The following KIAA0586 variants were observed in gnomAD, a reference collection of about 807,000 sequenced individuals.
KIAA0586 encodes the protein protein TALPID3.
In KIAA0586, 144 loss-of-function variants were observed where a neutral mutation model predicts 169.8. The ratio of observed to expected loss-of-function variants is 0.85; its 90% CI spans 0.74 to 0.97. The LOEUF (loss-of-function observed/expected upper bound fraction) is 0.97, where lower values mean the gene tolerates loss of function less well. Ranked by LOEUF, KIAA0586 falls within the 50% of genes least tolerant of loss-of-function variation. The pLI is 0.00. For synonymous variants in KIAA0586, 625 were observed against 612.4 expected (o/e 1.02, Z -0.30); for missense variants, 1,854 against 1,823.0 (o/e 1.02, Z -0.31).
At chr14:58,558,674 A>G in the KIAA0586 span, among the ~76,000 whole-genome samples, 1 of 152,246 alleles carries the variant, frequency 6.6e-6, no homozygotes, top group East Asian at 1.9e-4. Flanking sequence ...ACATTGACTC[A>G]TGGAGGGAAT....
chr14:58,489,498 G>A (rs2042698465), intron 24 of KIAA0586, among the ~76,000 whole-genome samples: 1 of 152,000 alleles, frequency 6.6e-6, no homozygotes, highest in Admixed American at 6.6e-5. Context: ...GGGATTATAG[G>A]CCTGAACCAC....
chr14:58,442,148 C>T (rs1424436541), intron 4 of KIAA0586, among the ~76,000 whole-genome samples: 1 of 152,008 alleles, frequency 6.6e-6, no homozygotes, highest in Non-Finnish European at 1.5e-5. Context: ...CTCACTGTGT[C>T]ACCCAGGCTG....
At chr14:58,561,391 G>A in the KIAA0586 span, among the ~76,000 whole-genome samples, 1 of 152,036 alleles carries the variant, frequency 6.6e-6, no homozygotes, top group Non-Finnish European at 1.5e-5. Flanking sequence ...TACACAGAAG[G>A]GTTTTTTTGA....
At chr14:58,437,131 A>G (rs927532074) in intron 4 of KIAA0586, among the ~76,000 whole-genome samples, 2 of 152,170 alleles carry the variant, frequency 1.3e-5, no homozygotes, top group African/African-American at 2.4e-5. Flanking sequence ...TCCTGAATAC[A>G]CTGGGCAGTG....
chr14:58,554,031 G>C (rs2047231175), downstream of KIAA0586, among the ~76,000 whole-genome samples: 1 of 152,094 alleles, frequency 6.6e-6, no homozygotes, highest in Non-Finnish European at 1.5e-5. Context: ...GCTGTTGGCA[G>C]GGAAATGGAG....
chr14:58,444,325 G>T (rs562340018), intron 6 of KIAA0586, 150 bp downstream of exon 6: 3 of 634,200 alleles, frequency 4.7e-6, no homozygotes, highest in Non-Finnish European at 8.4e-6. Context: ...CCTGTAATGC[G>T]GGTAACTCTG....
At position 58,442,759 on chromosome 14, in the gene KIAA0586, CA is replaced by C; in HGVS notation, c.465del (p.Gly156AlafsTer2). On this transcript the variant is annotated frameshift_variant, in exon 5 of 31. Coordinates refer to ENST00000652326, the MANE Select transcript of KIAA0586 (RefSeq NM_001329943.3). LOFTEE classifies it high-confidence loss of function. Reference sequence around the variant, plus strand: ...GTAAAGGTACATCTGTTAGAAGATGCAGGCATAGAGAAGGATGCTGTTACTC... The same window carrying C: ...GTAAAGGTACATCTGTTAGAAGATGCGGCATAGAGAAGGATGCTGTTACTC... The part of the protein sequence containing the change: ...KEVKVHLLED[A>X]GIEKDAVTQE... 6.3e-7 allele frequency: 1 copy of C among 1,595,280 alleles called. No individual in the cohort carries two copies. Among genetic ancestry groups the C allele is most frequent in the Non-Finnish European group, 8.6e-7 (1 of 1,169,522 alleles).
chr14:58,496,823 T>C (rs988407890), intron 26 of KIAA0586, among the ~76,000 whole-genome samples: 2 of 152,176 alleles, frequency 1.3e-5, no homozygotes, highest in African/African-American at 4.8e-5. Context: ...GGAATTTTGC[T>C]TCAGTTCTTA....
chr14:58,552,237 A>G (rs2047216949), downstream of KIAA0586, among the ~76,000 whole-genome samples: 1 of 152,140 alleles, frequency 6.6e-6, no homozygotes, highest in African/African-American at 2.4e-5. Context: ...TGTTCAGGGA[A>G]TTTCATGAAG....
rs1363200511 is a variant in KIAA0586, at chr14:58,474,736, G to C, written c.2764G>C (p.Ala922Pro). 3.1e-6 allele frequency: 5 copies of C among 1,612,904 alleles called. No homozygotes were observed. Among genetic ancestry groups the C allele is most frequent in the Non-Finnish European group, 4.2e-6 (5 of 1,179,532 alleles). The stretch of plus-strand genomic sequence containing the variant: ...AGTTGCTTCTACTTTTCAGCCCACT[G>C]CTGATATTCTGGATAAAGTAATTGA... ...PPVASTFQPTADILDKVIERK... is the reference protein window; with the variant it reads ...PPVASTFQPTPDILDKVIERK... The change falls in exon 19 of 31, where the codon GCT (alanine) becomes CCT (proline). Residue 922 changes from alanine (A) to proline (P), a missense_variant. Transcript: ENST00000652326.
intron 22 of KIAA0586, 132 bp downstream of exon 22, chr14:58,487,298 C>T (rs1022684932): frequency 5.1e-5 from 41 of 804,280 alleles, no homozygotes; most frequent in South Asian, 2.6e-4. Context: ...GAATTGATTG[C>T]GACTTCTTAA....
chr14:58,496,624 A>G (rs1425321081), intron 26 of KIAA0586, among the ~76,000 whole-genome samples: 1 of 152,232 alleles, frequency 6.6e-6, no homozygotes, highest in Non-Finnish European at 1.5e-5. Flanking sequence ...AGATGTACAT[A>G]GGAGAATGAA....
At position 58,533,353 on chromosome 14, in the gene KIAA0586, T is replaced by C. The variant is rs550853179; in HGVS notation, c.4430-6718T>C. On this transcript the variant is annotated intron_variant, in intron 29 of 30. Transcript: ENST00000652326. The stretch of plus-strand genomic sequence containing the variant: ...ACAAAAGAAATGAAATATTTATCTT[T>C]GGCAAAAAGACCTGTACACCAAACT... 1.6e-4 allele frequency among the ~76,000 whole-genome samples: 24 copies of C among 152,372 alleles called. No individual in the cohort carries two copies. The East Asian group carries it at 4.4e-3, about 28-fold the overall frequency.
rs2042950059 is a variant in KIAA0586 at position 58,493,421 on chromosome 14, G to C, written c.3990+1146G>C. On this transcript the variant is annotated intron_variant, in intron 26 of 30. Coordinates refer to ENST00000652326, the MANE Select transcript of KIAA0586 (RefSeq NM_001329943.3). ...AATATACAACATTGTCATTCAGACTGGTTAATGATGGAGCTGGGACTAGGA... is the reference window on the plus strand; with the variant it reads ...AATATACAACATTGTCATTCAGACTCGTTAATGATGGAGCTGGGACTAGGA... Among the ~76,000 whole-genome samples, 3 of 152,238 alleles carry C rather than the reference G, an allele frequency of 2.0e-5. No homozygotes were observed. The South Asian group carries it at 6.2e-4, about 32-fold the overall frequency.
chr14:58,475,961 G>A (rs1426029458), intron 19 of KIAA0586, among the ~76,000 whole-genome samples: 4 of 152,088 alleles, frequency 2.6e-5, no homozygotes, highest in East Asian at 1.9e-4. Context: ...AATTAGGTGC[G>A]ATGGTGCACA....
intron 29 of KIAA0586, among the ~76,000 whole-genome samples, chr14:58,518,299 G>C (rs984686209): frequency 6.6e-5 from 10 of 152,062 alleles, no homozygotes; most frequent in African/African-American, 1.9e-4. Flanking sequence ...TTTAGGAGGA[G>C]ATAGTTTGAT....
At chr14:58,505,269 A>G (rs1429789324) in intron 27 of KIAA0586, among the ~76,000 whole-genome samples, 1 of 152,182 alleles carries the variant, frequency 6.6e-6, no homozygotes, top group Non-Finnish European at 1.5e-5. Flanking sequence ...AGATTATTCC[A>G]GGTCAACCGG....
downstream of KIAA0586, among the ~76,000 whole-genome samples, chr14:58,551,707 A>G (rs2047208409): frequency 6.6e-6 from 1 of 152,154 alleles, no homozygotes; most frequent in African/African-American, 2.4e-5. Context: ...CGGAGGTTGC[A>G]GTGAGCTGAG....
At chr14:58,478,871 AG>A (rs2041843346) in intron 20 of KIAA0586, among the ~76,000 whole-genome samples, 1 of 152,206 alleles carries the variant, frequency 6.6e-6, no homozygotes, top group South Asian at 2.1e-4. Flanking sequence ...TTCTTTTATT[AG>A]CATAATATTT....
Sources: gnomAD v4.1 joint callset for allele counts (sites outside exome capture counted in the v4.1 genomes callset) on GRCh38, gnomAD v4.1.1 for gene constraint, MANE v1.5 for transcripts, NCBI Gene and HGNC (gene_info 2026-07-23, HGNC 2026-07-21) for gene names.